The following DCAF12 variants were observed in gnomAD, a reference collection of about 807,000 sequenced individuals.
DCAF12 encodes the protein DDB1 and CUL4 associated factor 12.
Under a neutral mutation model 52.8 loss-of-function variants are expected in DCAF12, and 28 were observed. The ratio of observed to expected loss-of-function variants is 0.53; its 90% CI spans 0.39 to 0.73. The LOEUF is 0.73. Ranked by LOEUF, DCAF12 falls within the 30% of genes least tolerant of loss-of-function variation. The probability of loss-of-function intolerance (pLI) is 0.00; values close to 1 mark genes in which losing one functional copy is unlikely to be tolerated. For missense variants in DCAF12, 425 were observed against 552.2 expected (o/e 0.77, Z 2.31); for synonymous variants, 196 against 215.5 (o/e 0.91, Z 0.79).
At chr9:34,107,277 G>A in intron 3 of DCAF12, 82 bp downstream of exon 3, 2 of 1,376,586 alleles carry the variant, frequency 1.5e-6, no homozygotes, top group Non-Finnish European at 2.1e-6. Context: ...ACTCTGGGCT[G>A]ATGAGAGGAG....
At chr9:34,098,566 G>C in intron 4 of DCAF12, 49 bp from the exon 5 acceptor site, 1 of 1,565,646 alleles carries the variant, frequency 6.4e-7, no homozygotes, top group South Asian at 1.2e-5. Flanking sequence ...CCCCTCTATG[G>C]GAAATCCCAC....
intron 2 of DCAF12, among the ~76,000 whole-genome samples, chr9:34,118,001 TC>T (rs1204314874): frequency 6.6e-6 from 1 of 152,146 alleles, no homozygotes; most frequent in Non-Finnish European, 1.5e-5. Context: ...ACAAATCCCA[TC>T]ACCTATTTCC....
chr9:34,092,427 C>G (rs55914521), intron 7 of DCAF12, among the ~76,000 whole-genome samples: 20,045 of 152,106 alleles, frequency 0.13, 1,578 homozygotes, highest in South Asian at 0.32. Flanking sequence ...GTGGCTCACG[C>G]CTGTAATCTC....
intron 3 of DCAF12, 94 bp downstream of exon 3, chr9:34,107,265 C>G: frequency 7.9e-7 from 1 of 1,258,092 alleles, no homozygotes; most frequent in Non-Finnish European, 1.2e-6. Flanking sequence ...AGTCCAGTCC[C>G]CACTCTGGGC....
intron 2 of DCAF12, among the ~76,000 whole-genome samples, chr9:34,113,088 T>A (rs889184143): frequency 6.6e-6 from 1 of 152,078 alleles, no homozygotes; most frequent in Non-Finnish European, 1.5e-5. Flanking sequence ...CTCATTCTTG[T>A]TGCCCAGGCT....
At chr9:34,096,614 GAATA>G in intron 6 of DCAF12, 98 bp downstream of exon 6, 1 of 1,109,182 alleles carries the variant, frequency 9.0e-7, no homozygotes, top group Non-Finnish European at 1.3e-6. Context: ...AAAAATAAAT[GAATA>G]GATAAAATAA....
chr9:34,126,475 G>A lies in DCAF12; in HGVS notation c.-44C>T, dbSNP rs765083411. On this transcript the variant is annotated 5_prime_UTR_variant, in exon 1 of 9. Transcript: ENST00000361264. The stretch of plus-strand genomic sequence containing the variant: ...GGCCCCGCAGCCACATGGGGCGGGG[G>A]AAGCGAAGGATAGCAGGACGGCGGG... 43 of 1,587,162 alleles carry A rather than the reference G, an allele frequency of 2.7e-5. No homozygotes were observed. Among genetic ancestry groups the A allele is most frequent in the Non-Finnish European group, 3.4e-5 (40 of 1,172,502 alleles).
At chr9:34,116,894 G>C (rs907666663) in intron 2 of DCAF12, among the ~76,000 whole-genome samples, 1 of 152,264 alleles carries the variant, frequency 6.6e-6, no homozygotes, top group Non-Finnish European at 1.5e-5. Flanking sequence ...CAGAAGAATC[G>C]CTTGAACCCA....
chr9:34,092,860 T>C (rs536359843), intron 7 of DCAF12, among the ~76,000 whole-genome samples: 9 of 152,268 alleles, frequency 5.9e-5, no homozygotes, highest in African/African-American at 1.7e-4. Context: ...CCCCTTTTTT[T>C]TTGAGACAGA....
chr9:34,092,099 G>A (rs1008198293), intron 7 of DCAF12, among the ~76,000 whole-genome samples: 4 of 152,138 alleles, frequency 2.6e-5, no homozygotes, highest in African/African-American at 9.7e-5. Flanking sequence ...TGTTATAAAA[G>A]ATTTGAGGTG....
chr9:34,116,909 G>A (rs1454218802), intron 2 of DCAF12, among the ~76,000 whole-genome samples: 1 of 152,170 alleles, frequency 6.6e-6, no homozygotes, highest in Non-Finnish European at 1.5e-5. Flanking sequence ...AACCCAAGAG[G>A]CGGAGGTTGC....
At chr9:34,088,554 G>A in intron 8 of DCAF12, 46 bp from the exon 9 acceptor site, 1 of 1,608,126 alleles carries the variant, frequency 6.2e-7, no homozygotes, top group Non-Finnish European at 8.5e-7. Context: ...TAGCCATGGG[G>A]CAGGAAAAGG....
At chr9:34,111,851 T>C (rs1206167447) in intron 2 of DCAF12, among the ~76,000 whole-genome samples, 2 of 151,990 alleles carry the variant, frequency 1.3e-5, no homozygotes, top group Admixed American at 6.6e-5. Context: ...ACTTGAAGCA[T>C]GGGCCAGGCG....
At chr9:34,108,741 G>A (rs892427524) in intron 2 of DCAF12, among the ~76,000 whole-genome samples, 3 of 150,274 alleles carry the variant, frequency 2.0e-5, no homozygotes, top group African/African-American at 4.9e-5. Context: ...AGCCGGGATC[G>A]AGCCACTGCA....
At chr9:34,091,340 C>A (rs66793833) in intron 7 of DCAF12, among the ~76,000 whole-genome samples, 5,191 of 151,736 alleles carry the variant, frequency 0.034, 145 homozygotes, top group Middle Eastern at 0.065. Context: ...ACAACAACAA[C>A]AAAAAAGAAA....
chr9:34,109,688 TGAA>T (rs1828966683), intron 2 of DCAF12: 1 of 179,932 alleles, frequency 5.6e-6, no homozygotes, highest in Non-Finnish European at 1.2e-5. Context: ...AGTCCAGACA[TGAA>T]GAAGTGCAAG....
Position 34,098,388 on chromosome 9 carries a change from G to A in DCAF12, c.731C>T (p.Pro244Leu). 1.2e-6 allele frequency: 2 copies of A among 1,614,190 alleles called. No homozygotes were observed. Among genetic ancestry groups the A allele is most frequent in the African/African-American group, 2.7e-5 (2 of 75,048 alleles). Residue 244 changes from proline to leucine, a missense_variant, in exon 5 of 9, where the codon CCC becomes CTC. Pro to Leu is a moderately conservative substitution (Grantham distance 98). This residue lies in a region of DCAF12 where 328 missense variants were observed against 444.4 expected (regional missense o/e 0.74). Coordinates refer to ENST00000361264, the MANE Select transcript of DCAF12 (RefSeq NM_015397.4). Reference sequence around the variant, plus strand: ...GTTGTCAGGGTTTGTGTCTTCTTTGGGGATGTCCTTTAAGGCCTTGTGAGT... The same window carrying A: ...GTTGTCAGGGTTTGTGTCTTCTTTGAGGATGTCCTTTAAGGCCTTGTGAGT... ...HITHKALKDI[P>L]KEDTNPDNCK...
intron 8 of DCAF12, among the ~76,000 whole-genome samples, chr9:34,088,982 G>A (rs189621597): frequency 1.6e-4 from 24 of 152,056 alleles, no homozygotes; most frequent in African/African-American, 5.8e-4. Context: ...CAGTGCATAT[G>A]CCTGTGGTCC....
In DCAF12 at chr9:34,093,336, C is replaced by T. The variant is rs763650270; in HGVS notation, c.974G>A (p.Arg325Gln). The change falls in exon 7 of 9, where the codon CGG becomes CAG. Residue 325 changes from arginine to glutamine, a missense_variant. This residue lies in a region of DCAF12 where 328 missense variants were observed against 444.4 expected (regional missense o/e 0.74). Coordinates refer to ENST00000361264, the MANE Select transcript of DCAF12 (RefSeq NM_015397.4). ...SQAHVSFLDPRQPSYNVKSVC... is the reference protein window; with the variant it reads ...SQAHVSFLDPQQPSYNVKSVC... ...AGACTTGACGTTGTATGATGGCTGC[C>T]GTGGATCCAAGAAGGAGACATGAGC... 4.3e-6 allele frequency: 7 copies of T among 1,614,048 alleles called. No individual in the cohort carries two copies. The highest frequency in any genetic ancestry group is 3.3e-5 in the Admixed American group (2 of 59,988).
Sources: gnomAD v4.1 joint callset for allele counts (sites outside exome capture counted in the v4.1 genomes callset) on GRCh38, gnomAD v4.1.1 for gene constraint, gnomAD v4.1.1 regional missense constraint, MANE v1.5 for transcripts, NCBI Gene and HGNC (gene_info 2026-07-23, HGNC 2026-07-21) for gene names.